EPHA4: variants seen among roughly 807,000 people sequenced by gnomAD.
EPHA4 encodes EPH receptor A4.
Under a neutral mutation model 108.3 loss-of-function variants are expected in EPHA4, and 19 were observed. That is an observed-to-expected ratio of 0.18 (90% CI 0.12 to 0.26). EPHA4 has a LOEUF of 0.26. Ranked by LOEUF, EPHA4 falls within the 10% of genes least tolerant of loss-of-function variation. The pLI is 1.00. For synonymous variants in EPHA4, 449 were observed against 455.5 expected (o/e 0.99, Z 0.18); for missense variants, 917 against 1,254.0 (o/e 0.73, Z 4.06).
At chr2:221,462,293 A>G (rs1574583354) in intron 5 of EPHA4, among the ~76,000 whole-genome samples, 1 of 152,056 alleles carries the variant, frequency 6.6e-6, no homozygotes, top group East Asian at 1.9e-4. Flanking sequence ...TGGAGTCCTT[A>G]ATTTTCAAAC....
intron 3 of EPHA4, among the ~76,000 whole-genome samples, chr2:221,511,844 T>C (rs1261571842): frequency 6.6e-6 from 1 of 152,230 alleles, no homozygotes; most frequent in Non-Finnish European, 1.5e-5. Flanking sequence ...CTTATTCTTA[T>C]TCTAACCTTT....
At chr2:221,477,508 A>G (rs564428497) in intron 5 of EPHA4, among the ~76,000 whole-genome samples, 2 of 152,310 alleles carry the variant, frequency 1.3e-5, no homozygotes, top group South Asian at 4.1e-4. Context: ...TCTACCCACT[A>G]GATGCAACTG....
chr2:221,550,185 G>A (rs1209067288), intron 3 of EPHA4, among the ~76,000 whole-genome samples: 2 of 152,160 alleles, frequency 1.3e-5, no homozygotes, highest in Non-Finnish European at 2.9e-5. Flanking sequence ...AGGTCTGAGA[G>A]ATAGTTTCTT....
At chr2:221,482,152 C>T (rs1691838880) in intron 5 of EPHA4, among the ~76,000 whole-genome samples, 200 bp downstream of exon 5, 1 of 152,134 alleles carries the variant, frequency 6.6e-6, no homozygotes, top group Non-Finnish European at 1.5e-5. Context: ...CTCAAGTGAT[C>T]CACCTGCCCT....
At chr2:221,500,905 G>T in intron 4 of EPHA4, 112 bp downstream of exon 4, 1 of 1,154,296 alleles carries the variant, frequency 8.7e-7, no homozygotes, top group Non-Finnish European at 1.2e-6. Flanking sequence ...ATGAATGTTT[G>T]ATCTCAAGTG....
chr2:221,481,714 T>C (rs1042112364), intron 5 of EPHA4, among the ~76,000 whole-genome samples: 5 of 152,168 alleles, frequency 3.3e-5, no homozygotes, highest in African/African-American at 1.2e-4. Context: ...TAAACTTCGT[T>C]AACTATAGAC....
intron 3 of EPHA4, among the ~76,000 whole-genome samples, chr2:221,525,289 G>T (rs1432867507): frequency 6.6e-6 from 1 of 152,160 alleles, no homozygotes; most frequent in Non-Finnish European, 1.5e-5. Context: ...ACAGGCGTGA[G>T]ACTCAATGCA....
intron 3 of EPHA4, among the ~76,000 whole-genome samples, chr2:221,513,955 G>T (rs755353220): frequency 1.3e-5 from 2 of 152,126 alleles, no homozygotes; most frequent in Non-Finnish European, 2.9e-5. Flanking sequence ...GTACAGAGAA[G>T]TCCCAGGGAT....
At position 221,425,905 on chromosome 2, in the gene EPHA4, T is replaced by G; in HGVS notation, c.*123A>C. 1 of 833,964 alleles carries G rather than the reference T, an allele frequency of 1.2e-6. No individual in the cohort carries two copies. The highest frequency in any genetic ancestry group is 1.6e-5 in the South Asian group (1 of 61,016). The allele number at this position is 833,964 out of a possible 1,614,324, so 51.7% of individuals were successfully genotyped here. A position where few individuals can be genotyped will look rare whatever the true frequency, so the allele number is the denominator to read the frequency against. ...CACCAAGCAACGCTGCAGATATTGT[T>G]TTTTTTTTTCATTTCTTTAATTTCA... On this transcript the variant is annotated 3_prime_UTR_variant, in exon 17 of 18. Transcript: ENST00000281821.
chr2:221,434,235 G>T lies in EPHA4; in HGVS notation c.2403C>A (p.Phe801Leu). The T allele has an allele frequency of 6.2e-7, 1 of 1,614,090 alleles. No homozygotes were observed. Among genetic ancestry groups the T allele is most frequent in the East Asian group, 2.2e-5 (1 of 44,870 alleles). ...TAPEAIAYRK[F>L]TSASDVWSYG... ...AGCTCCATACATCACTTGCTGATGTGAATTTACGATAGGCAATTGCTTCTG... is the reference window on the plus strand; with the variant it reads ...AGCTCCATACATCACTTGCTGATGTTAATTTACGATAGGCAATTGCTTCTG... Residue 801 changes from phenylalanine (F) to leucine (L), a missense_variant, in exon 14 of 18, where the codon TTC becomes TTA. Physicochemically the swap from Phe to Leu is conservative, Grantham distance 22 (BLOSUM62 0). Coordinates refer to ENST00000281821, the MANE Select transcript of EPHA4 (RefSeq NM_004438.5).
intron 4 of EPHA4, among the ~76,000 whole-genome samples, chr2:221,485,971 A>C (rs1404292759): frequency 6.6e-6 from 1 of 152,230 alleles, no homozygotes; most frequent in Non-Finnish European, 1.5e-5. Flanking sequence ...CAAGGCATCC[A>C]GAAGTAAAAA....
chr2:221,486,068 C>T (rs13012429), intron 4 of EPHA4, among the ~76,000 whole-genome samples: 64,086 of 152,018 alleles, frequency 0.42, 13,588 homozygotes, highest in East Asian at 0.53. Flanking sequence ...AGAGTGATTG[C>T]CTTTGTCATC....
intron 3 of EPHA4, among the ~76,000 whole-genome samples, chr2:221,507,268 C>T (rs192458157): frequency 1.1e-4 from 16 of 152,254 alleles, no homozygotes; most frequent in Admixed American, 9.2e-4. Flanking sequence ...TTCTTGTCAT[C>T]GCTGCAAATG....
intron 7 of EPHA4, among the ~76,000 whole-genome samples, chr2:221,455,899 T>A (rs1574578193): frequency 6.6e-6 from 1 of 152,206 alleles, no homozygotes. Context: ...TTTCAAAGGA[T>A]GTCAATCCCC....
At chr2:221,473,261 G>A (rs1171033990) in intron 5 of EPHA4, among the ~76,000 whole-genome samples, 1 of 152,162 alleles carries the variant, frequency 6.6e-6, no homozygotes. Context: ...CATTAAATAA[G>A]AGAGATATTT....
In EPHA4 at chr2:221,566,969, GGAA is replaced by G. The variant is rs71050343; in HGVS notation, c.159+1746_159+1748del. On this transcript the variant is annotated intron_variant, in intron 2 of 17. Coordinates refer to ENST00000281821, the MANE Select transcript of EPHA4 (RefSeq NM_004438.5). Reference sequence around the variant, plus strand: ...GAGAAGGAGAAGGGGAAGAGGAAGAGGAAGAAGAAGAAGAAGAAGAAGAAGAAG... The same window carrying G: ...GAGAAGGAGAAGGGGAAGAGGAAGAGGAAGAAGAAGAAGAAGAAGAAGAAG... Among the ~76,000 whole-genome samples the G allele has an allele frequency of 9.8e-4, 27 of 27,648 alleles. 8 individuals are homozygous for G. The highest frequency in any genetic ancestry group is 4.4e-3 in the African/African-American group (23 of 5,196). 18.1% of individuals were successfully genotyped at this position (27,648 alleles called of 152,430 possible). A position where few individuals can be genotyped will look rare whatever the true frequency, so the allele number is the denominator to read the frequency against.
chr2:221,424,142 T>TAA (rs1559233359), intron 17 of EPHA4, among the ~76,000 whole-genome samples: 46 of 55,314 alleles, frequency 8.3e-4, no homozygotes, highest in African/African-American at 2.7e-3. Flanking sequence ...TAATAATAAT[T>TAA]TTTTTTTTTT....
chr2:221,459,772 G>A (rs1559250286), intron 5 of EPHA4, among the ~76,000 whole-genome samples: 2 of 152,146 alleles, frequency 1.3e-5, no homozygotes, highest in Non-Finnish European at 2.9e-5. Context: ...ATAAAAAGGA[G>A]CTCTTTAAAT....
At chr2:221,473,990 A>G (rs769546880) in intron 5 of EPHA4, among the ~76,000 whole-genome samples, 12 of 152,342 alleles carry the variant, frequency 7.9e-5, no homozygotes, top group South Asian at 4.1e-4. Context: ...GAAAGGACTC[A>G]GGAAAAATAG....
Sources: allele counts gnomAD v4.1 joint callset (sites outside exome capture counted in the v4.1 genomes callset), GRCh38; gene constraint gnomAD v4.1.1; transcripts MANE v1.5; gene names NCBI Gene and HGNC (gene_info 2026-07-23, HGNC 2026-07-21).